Variants in TMEM132C observed in about 807,000 individuals in gnomAD.
TMEM132C encodes the protein protein phosphatase 1, regulatory subunit 152.
A neutral mutation model predicts 61.4 loss-of-function variants in TMEM132C; 29 were observed. The ratio of observed to expected loss-of-function variants is 0.47; its 90% CI spans 0.35 to 0.64. The LOEUF is 0.64. TMEM132C is among the 30% of genes least tolerant of loss of function. The probability of loss-of-function intolerance (pLI) is 0.00; values close to 1 mark genes in which losing one functional copy is unlikely to be tolerated. For synonymous variants in TMEM132C, 656 were observed against 633.1 expected, an observed-to-expected ratio of 1.04 and a Z score of -0.54; for missense variants, 1,408 against 1,476.9, an observed-to-expected ratio of 0.95 and a Z score of 0.76.
At chr12:128,588,216 T>G (rs558527852) in intron 3 of TMEM132C, among the ~76,000 whole-genome samples, 1 of 152,322 alleles carries the variant, frequency 6.6e-6, no homozygotes, top group African/African-American at 2.4e-5. Context: ...GGTGGATCAC[T>G]TAAGCTCAGG....
At chr12:128,586,749 G>C (rs1284113467) in intron 3 of TMEM132C, among the ~76,000 whole-genome samples, 1 of 152,188 alleles carries the variant, frequency 6.6e-6, no homozygotes, top group Non-Finnish European at 1.5e-5. Flanking sequence ...ACATAAAGCC[G>C]ATTTAAACTA....
intron 1 of TMEM132C, among the ~76,000 whole-genome samples, chr12:128,382,586 C>G (rs1343130485): frequency 6.6e-6 from 1 of 152,068 alleles, no homozygotes; most frequent in East Asian, 1.9e-4. Context: ...TTTCAAACAT[C>G]TATAAAAAGA....
chr12:128,283,717 G>A (rs192588504), intron 1 of TMEM132C, among the ~76,000 whole-genome samples: 1 of 152,268 alleles, frequency 6.6e-6, no homozygotes. Context: ...CAGCACCACA[G>A]GAGTCATTCT....
At chr12:128,605,021 G>T (rs968860561) in intron 3 of TMEM132C, among the ~76,000 whole-genome samples, 7 of 147,520 alleles carry the variant, frequency 4.7e-5, no homozygotes, top group Admixed American at 2.0e-4. Context: ...GATAATAGAT[G>T]AATGGATGGA....
At chr12:128,618,526 C>G (rs1282056547) in intron 4 of TMEM132C, among the ~76,000 whole-genome samples, 1 of 152,158 alleles carries the variant, frequency 6.6e-6, no homozygotes, top group Non-Finnish European at 1.5e-5. Flanking sequence ...GTGTCCCTAC[C>G]CAAATCTCAT....
chr12:128,493,862 C>T (rs1273030955), intron 2 of TMEM132C, among the ~76,000 whole-genome samples: 9 of 152,086 alleles, frequency 5.9e-5, no homozygotes. Context: ...GCCTGATTGC[C>T]CTGGCCAGAA....
intron 2 of TMEM132C, among the ~76,000 whole-genome samples, chr12:128,500,044 T>C (rs1297012700): frequency 1.3e-5 from 2 of 152,194 alleles, no homozygotes; most frequent in Non-Finnish European, 2.9e-5. Flanking sequence ...CTCACTAGCA[T>C]TCATATTGCC....
At chr12:128,569,572 G>A (rs1018214242) in intron 3 of TMEM132C, among the ~76,000 whole-genome samples, 3 of 152,138 alleles carry the variant, frequency 2.0e-5, no homozygotes, top group African/African-American at 7.2e-5. Flanking sequence ...AGAAAAGAAA[G>A]CACAATTTAC....
intron 1 of TMEM132C, among the ~76,000 whole-genome samples, chr12:128,371,264 C>T (rs1485895858): frequency 6.6e-6 from 1 of 152,124 alleles, no homozygotes; most frequent in East Asian, 1.9e-4. Context: ...ATGGATTTTT[C>T]TGGGGGAATT....
chr12:128,267,600 C>T (rs1870352736), intron 1 of TMEM132C, 113 bp downstream of exon 1: 2 of 873,892 alleles, frequency 2.3e-6, no homozygotes, highest in East Asian at 8.9e-5. Flanking sequence ...TCGGCGGGGG[C>T]TCGGATCCCA....
Position 128,415,524 on chromosome 12 carries a change from T to A in TMEM132C, c.878T>A (p.Val293Asp). 6.4e-7 allele frequency: 1 copy of A among 1,551,456 alleles called. No individual in the cohort carries two copies. Residue 293 changes from valine to aspartate, a missense_variant, in exon 2 of 9, where the codon GTC (valine) becomes GAC (aspartate). Coordinates refer to ENST00000435159, the MANE Select transcript of TMEM132C (RefSeq NM_001136103.3). The surrounding 1 kb of genome is among the most constrained non-coding windows in gnomAD (Gnocchi z 5.8). ...LSELRLDGNV[V>D]IWLPSRPVKQ... Reference sequence around the variant, plus strand: ...GAGCTGCGTTTGGATGGTAACGTGGTCATCTGGCTGCCTTCCAGGCCAGTC... The same window carrying A: ...GAGCTGCGTTTGGATGGTAACGTGGACATCTGGCTGCCTTCCAGGCCAGTC...
chr12:128,606,883 G>T (rs1876445920), intron 3 of TMEM132C, among the ~76,000 whole-genome samples: 1 of 152,186 alleles, frequency 6.6e-6, no homozygotes. Context: ...TGCATTTTAT[G>T]GATATGAAGT....
intron 2 of TMEM132C, among the ~76,000 whole-genome samples, chr12:128,503,485 G>T (rs1268815233): frequency 6.6e-6 from 1 of 152,192 alleles, no homozygotes; most frequent in Non-Finnish European, 1.5e-5. Flanking sequence ...TCTATCTAAA[G>T]TGGGGGATTG....
chr12:128,555,291 G>A (rs139141503), intron 3 of TMEM132C, among the ~76,000 whole-genome samples: 4 of 152,302 alleles, frequency 2.6e-5, no homozygotes, highest in East Asian at 1.9e-4. Context: ...GAACAGGAAC[G>A]TGCTCATAGC....
At position 128,335,396 on chromosome 12, in the gene TMEM132C, A is replaced by G. The variant is rs1159412715; in HGVS notation, c.85+67909A>G. Among the ~76,000 whole-genome samples, 6 of 152,204 alleles carry G rather than the reference A, an allele frequency of 3.9e-5. No individual in the cohort carries two copies. In the East Asian group the frequency reaches 1.2e-3, roughly 29 times the overall value. ...TGTGTATTGGCCTTTTGAATGTTTT[A>G]CATATTGGCATTTGGATTTTCAAAA... On this transcript the variant is annotated intron_variant, in intron 1 of 8. Coordinates refer to ENST00000435159, the MANE Select transcript of TMEM132C (RefSeq NM_001136103.3).
intron 3 of TMEM132C, among the ~76,000 whole-genome samples, chr12:128,556,907 G>C (rs551441860): frequency 2.0e-5 from 3 of 152,228 alleles, no homozygotes; most frequent in African/African-American, 7.2e-5. Context: ...CAGGACTCTT[G>C]ATTCACAGAA....
At chr12:128,559,096 A>AACAC (rs368220802) in intron 3 of TMEM132C, among the ~76,000 whole-genome samples, 2 of 149,220 alleles carry the variant, frequency 1.3e-5, no homozygotes, top group East Asian at 1.9e-4. Context: ...TGCATATGCA[A>AACAC]ACACACACAC....
intron 4 of TMEM132C, among the ~76,000 whole-genome samples, chr12:128,653,798 G>T (rs539590388): frequency 1.7e-4 from 26 of 152,306 alleles, no homozygotes; most frequent in African/African-American, 6.3e-4. Flanking sequence ...GTTAGGGTTG[G>T]TATTTTTACT....
intron 2 of TMEM132C, among the ~76,000 whole-genome samples, chr12:128,423,235 C>T (rs1021660954): frequency 1.3e-5 from 2 of 152,188 alleles, no homozygotes; most frequent in South Asian, 4.1e-4. Flanking sequence ...GGAGCTGCTT[C>T]TCAGCTTCGG....
Sources: allele counts gnomAD v4.1 joint callset (sites outside exome capture counted in the v4.1 genomes callset), GRCh38; gene constraint gnomAD v4.1.1; non-coding constraint Gnocchi (gnomAD v3.1); transcripts MANE v1.5; gene names NCBI Gene and HGNC (gene_info 2026-07-23, HGNC 2026-07-21).